The following POU2AF2 variants were observed in gnomAD, a reference collection of about 807,000 sequenced individuals.
POU2AF2 encodes the protein POU class 2 homeobox associating factor 2, also known as POU domain class 2-associating factor 2.
At chr11:111,283,926 G>T in the POU2AF2 span, 8 of 762,620 alleles carry the variant, frequency 1.0e-5, no homozygotes, top group Non-Finnish European at 1.5e-5. Flanking sequence ...AATATTTCAC[G>T]CTTTTCAAGA....
the POU2AF2 span, among the ~76,000 whole-genome samples, chr11:111,277,346 T>G: frequency 6.6e-6 from 1 of 152,166 alleles, no homozygotes; most frequent in African/African-American, 2.4e-5. Flanking sequence ...GGTATAAAAA[T>G]TGGGCTGGGG....
At chr11:111,253,600 C>T in the POU2AF2 span, among the ~76,000 whole-genome samples, 1 of 152,200 alleles carries the variant, frequency 6.6e-6, no homozygotes, top group African/African-American at 2.4e-5. Flanking sequence ...TATTCTAGAA[C>T]CCTCCTGACT....
At chr11:111,263,239 A>G in the POU2AF2 span, among the ~76,000 whole-genome samples, 1 of 152,098 alleles carries the variant, frequency 6.6e-6, no homozygotes, top group East Asian at 1.9e-4. Flanking sequence ...TATCTTTGTT[A>G]TTTTCATTAT....
At chr11:111,276,723 A>G in the POU2AF2 span, among the ~76,000 whole-genome samples, 1 of 149,846 alleles carries the variant, frequency 6.7e-6, no homozygotes, top group Non-Finnish European at 1.5e-5. Context: ...GCTAAAAGAC[A>G]GTGGAATGAC....
At chr11:111,258,020 A>G in the POU2AF2 span, among the ~76,000 whole-genome samples, 555 of 152,296 alleles carry the variant, frequency 3.6e-3, 3 homozygotes, top group African/African-American at 0.013. Flanking sequence ...CAGGAGGCTG[A>G]AGTGGGAGGA....
the POU2AF2 span, among the ~76,000 whole-genome samples, chr11:111,261,358 A>G: frequency 6.6e-6 from 1 of 152,118 alleles, no homozygotes; most frequent in Admixed American, 6.5e-5. Context: ...ATAAAAGCTA[A>G]ACATCGAATT....
At chr11:111,279,420 C>T in the POU2AF2 span, among the ~76,000 whole-genome samples, 2 of 152,182 alleles carry the variant, frequency 1.3e-5, no homozygotes, top group Non-Finnish European at 2.9e-5. Context: ...GGCTAGAAGT[C>T]CAAAATCAAG....
the POU2AF2 span, among the ~76,000 whole-genome samples, chr11:111,275,057 A>G: frequency 2.0e-5 from 3 of 152,238 alleles, no homozygotes; most frequent in Non-Finnish European, 4.4e-5. Context: ...TGAAATTACT[A>G]TAAGTAAGTG....
the POU2AF2 span, chr11:111,285,651 A>T: frequency 6.2e-7 from 1 of 1,610,370 alleles, no homozygotes. Context: ...CATTCTCCTC[A>T]GAGGGACTCA....
At chr11:111,252,719 C>T in the POU2AF2 span, among the ~76,000 whole-genome samples, 1 of 151,978 alleles carries the variant, frequency 6.6e-6, no homozygotes, top group Non-Finnish European at 1.5e-5. Flanking sequence ...CATTAGTCTT[C>T]CCTCTGTCCT....
At chr11:111,263,691 A>G in the POU2AF2 span, among the ~76,000 whole-genome samples, 2 of 152,116 alleles carry the variant, frequency 1.3e-5, no homozygotes, top group South Asian at 2.1e-4. Context: ...TCGGCCTCCC[A>G]AAGTGCTGGG....
At chr11:111,246,570 AT>A in the POU2AF2 span, among the ~76,000 whole-genome samples, 7 of 152,332 alleles carry the variant, frequency 4.6e-5, no homozygotes, top group African/African-American at 1.4e-4. Context: ...AAAAATTAAT[AT>A]TTTTTAAATG....
At chr11:111,260,541 C>G in the POU2AF2 span, among the ~76,000 whole-genome samples, 1 of 152,002 alleles carries the variant, frequency 6.6e-6, no homozygotes, top group African/African-American at 2.4e-5. Flanking sequence ...ACACACACAC[C>G]GGGGAGAAGA....
chr11:111,286,361 C>T, the POU2AF2 span: 7 of 261,324 alleles, frequency 2.7e-5, no homozygotes, highest in Non-Finnish European at 3.5e-5. Context: ...ATTTTTGGCA[C>T]TGATTTTTCT....
chr11:111,262,291 TGA>T, the POU2AF2 span, among the ~76,000 whole-genome samples: 1 of 152,240 alleles, frequency 6.6e-6, no homozygotes, highest in Non-Finnish European at 1.5e-5. Flanking sequence ...GGTGTGTTTA[TGA>T]CATAGAGCAA....
the POU2AF2 span, among the ~76,000 whole-genome samples, chr11:111,260,495 G>T: frequency 1.3e-5 from 2 of 152,170 alleles, no homozygotes; most frequent in Non-Finnish European, 2.9e-5. Flanking sequence ...GTATCCACAA[G>T]TATCCTCCCT....
At chr11:111,247,191 C>CAGAGAGAGAGAGAGAGAGAG in the POU2AF2 span, among the ~76,000 whole-genome samples, 643 of 144,836 alleles carry the variant, frequency 4.4e-3, 4 homozygotes, top group South Asian at 0.018. Context: ...TACACACACA[C>CAGAGAGAGAGAGAGAGAGAG]AGAGAGAGAG....
the POU2AF2 span, among the ~76,000 whole-genome samples, chr11:111,276,439 G>GAAAAAAAAAAAAAA: frequency 9.0e-4 from 40 of 44,384 alleles, 1 homozygote; most frequent in African/African-American, 3.5e-3. Flanking sequence ...CTACTAAAAA[G>GAAAAAAAAAAAAAA]AAAAAAAAAA....
the POU2AF2 span, among the ~76,000 whole-genome samples, chr11:111,264,780 TGAAG>T: frequency 2.7e-5 from 2 of 75,022 alleles, no homozygotes; most frequent in African/African-American, 1.1e-4. Context: ...AGGAAGGAGA[TGAAG>T]GAAGGAAGGG....
Sources: allele counts gnomAD v4.1 joint callset (sites outside exome capture counted in the v4.1 genomes callset), GRCh38; gene constraint gnomAD v4.1.1; transcripts MANE v1.5; gene names NCBI Gene and HGNC (gene_info 2026-07-23, HGNC 2026-07-21).